HDAC4: variants seen among roughly 807,000 people sequenced by gnomAD.
The protein encoded by HDAC4 is histone deacetylase 4, also known as histone deacetylase A.
HDAC4 carries 16 observed loss-of-function variants against 135.1 expected under a neutral mutation model. The ratio of observed to expected loss-of-function variants is 0.12; its 90% CI spans 0.08 to 0.18. The LOEUF (loss-of-function observed/expected upper bound fraction) is 0.18. Ranked by LOEUF, HDAC4 falls within the 10% of genes least tolerant of loss-of-function variation. HDAC4 has a pLI of 1.00. For synonymous variants in HDAC4, 685 were observed against 653.4 expected, an observed-to-expected ratio of 1.05 and a Z score of -0.74; for missense variants, 1,143 against 1,511.8, an observed-to-expected ratio of 0.76 and a Z score of 4.05.
chr2:239,290,971 A>G (rs1197919740), intron 2 of HDAC4, among the ~76,000 whole-genome samples: 1 of 152,210 alleles, frequency 6.6e-6, no homozygotes, highest in African/African-American at 2.4e-5. Flanking sequence ...TCCAATCATG[A>G]CTAATGGAAT....
rs1696861606 is a variant in HDAC4, at chr2:239,400,186, C to G, written c.-220+792G>C. On this transcript the variant is annotated intron_variant, in intron 1 of 26. Transcript: ENST00000543185. The surrounding 1 kb of genome is among the most constrained non-coding windows in gnomAD (Gnocchi z 4.7). ...GCCCTGCGGGCTGAGCCGAGCGGGTCCCGGGCAGCCCCCCGCCCTCCCGCG... is the reference window on the plus strand; with the variant it reads ...GCCCTGCGGGCTGAGCCGAGCGGGTGCCGGGCAGCCCCCCGCCCTCCCGCG... Among the ~76,000 whole-genome samples, 1 of 151,758 alleles carries G rather than the reference C, an allele frequency of 6.6e-6. No homozygotes were observed. The highest frequency in any genetic ancestry group is 1.5e-5 in the Non-Finnish European group (1 of 67,880).
chr2:239,250,447 C>T (rs183569893), intron 2 of HDAC4, among the ~76,000 whole-genome samples: 68 of 152,322 alleles, frequency 4.5e-4, no homozygotes, highest in African/African-American at 1.5e-3. Flanking sequence ...TCCAGGGCCC[C>T]GCACGGCCCA....
chr2:239,145,335 C>G (rs921785216), intron 7 of HDAC4, among the ~76,000 whole-genome samples: 1 of 152,098 alleles, frequency 6.6e-6, no homozygotes, highest in Admixed American at 6.5e-5. Flanking sequence ...ACATCTGCGC[C>G]GGCTTCACCT....
At chr2:239,101,462 C>T (rs1366230484) in intron 16 of HDAC4, among the ~76,000 whole-genome samples, 1 of 152,202 alleles carries the variant, frequency 6.6e-6, no homozygotes, top group African/African-American at 2.4e-5. Flanking sequence ...ACGGAGGACA[C>T]CTCCTGCAAC....
Position 239,050,986 on chromosome 2 carries a change from G to GC in HDAC4, c.*2110dup, listed in dbSNP as rs2030760686. Reference sequence around the variant, plus strand: ...GTGGAAAAACCCAAGTGGGTAAAGAGCCCCACGTGTGCCCCATGCATTGCT... The same window carrying GC: ...GTGGAAAAACCCAAGTGGGTAAAGAGCCCCCACGTGTGCCCCATGCATTGCT... On this transcript the variant is annotated 3_prime_UTR_variant, in exon 27 of 27. Coordinates refer to ENST00000543185, the MANE Select transcript of HDAC4 (RefSeq NM_001378414.1). 1 of 152,606 alleles carries GC rather than the reference G, an allele frequency of 6.6e-6. No individual in the cohort carries two copies. The allele number at this position is 152,606 out of a possible 1,614,324, so 9.5% of individuals were successfully genotyped here. A position where few individuals can be genotyped will look rare whatever the true frequency, so the allele number is the denominator to read the frequency against.
At chr2:239,200,290 C>T (rs754817443) in intron 3 of HDAC4, among the ~76,000 whole-genome samples, 9 of 152,214 alleles carry the variant, frequency 5.9e-5, no homozygotes, top group Non-Finnish European at 1.0e-4. Context: ...AACTGAGACC[C>T]ATTCCAAACG....
intron 17 of HDAC4, among the ~76,000 whole-genome samples, chr2:239,092,760 C>T (rs1017883707): frequency 1.3e-5 from 2 of 152,200 alleles, no homozygotes; most frequent in African/African-American, 2.4e-5. Flanking sequence ...AGGCGTGCAG[C>T]GCCACCACTG....
intron 4 of HDAC4, among the ~76,000 whole-genome samples, chr2:239,181,291 G>A (rs2153016034): frequency 6.6e-6 from 1 of 152,338 alleles, no homozygotes. Context: ...GGGAGGAGAG[G>A]AGGGGCTGAG....
chr2:239,313,009 G>T lies in HDAC4; in HGVS notation c.22+39669C>A, dbSNP rs1483571428. ...GCTGCCGACGGGAGGCAGACGAGGT[G>T]CCGGGGGCAGCCTGCAGAGCAAGGA... On this transcript the variant is annotated intron_variant, in intron 2 of 26. Coordinates refer to ENST00000543185, the MANE Select transcript of HDAC4 (RefSeq NM_001378414.1). The surrounding 1 kb of genome is among the most constrained non-coding windows in gnomAD (Gnocchi z 5.1). Among the ~76,000 whole-genome samples the T allele has an allele frequency of 6.6e-6, 1 of 152,204 alleles. No homozygotes were observed. The highest frequency in any genetic ancestry group is 1.9e-4 in the East Asian group (1 of 5,182).
At chr2:239,364,695 G>A (rs985799520) in intron 1 of HDAC4, among the ~76,000 whole-genome samples, 9 of 152,232 alleles carry the variant, frequency 5.9e-5, no homozygotes, top group Non-Finnish European at 8.8e-5. Context: ...AAAAACTGGT[G>A]CAGACCAATG....
At chr2:239,065,273 G>A (rs2033328649) in intron 24 of HDAC4, among the ~76,000 whole-genome samples, 1 of 152,226 alleles carries the variant, frequency 6.6e-6, no homozygotes, top group African/African-American at 2.4e-5. Flanking sequence ...GTGACCGCCT[G>A]TCTGGTGAAC....
chr2:239,094,951 G>T, intron 17 of HDAC4, 59 bp downstream of exon 17: 1 of 1,612,828 alleles, frequency 6.2e-7, no homozygotes. Flanking sequence ...TGCGATTTCT[G>T]TGACCACTGG....
At chr2:239,252,725 T>C (rs1575530471) in intron 2 of HDAC4, among the ~76,000 whole-genome samples, 1 of 152,236 alleles carries the variant, frequency 6.6e-6, no homozygotes, top group East Asian at 1.9e-4. Context: ...AATGTTTTCT[T>C]AAACGATTTT....
intron 2 of HDAC4, among the ~76,000 whole-genome samples, chr2:239,323,477 T>C (rs2053378619): frequency 6.6e-6 from 1 of 152,224 alleles, no homozygotes; most frequent in Non-Finnish European, 1.5e-5. Flanking sequence ...TATTTTCCCA[T>C]TTATTTAATA....
intron 14 of HDAC4, among the ~76,000 whole-genome samples, chr2:239,109,048 G>A (rs2038425352): frequency 6.6e-6 from 1 of 152,240 alleles, no homozygotes; most frequent in Non-Finnish European, 1.5e-5. Flanking sequence ...AGATGCGAGG[G>A]AAGGCCAGGT....
At chr2:239,199,667 C>A (rs2045632276) in intron 3 of HDAC4, among the ~76,000 whole-genome samples, 1 of 152,112 alleles carries the variant, frequency 6.6e-6, no homozygotes, top group South Asian at 2.1e-4. Context: ...CCCTCCAGAC[C>A]CTGTGAGTGC....
chr2:239,401,585 A>G (rs898321789), upstream of HDAC4: 16 of 237,946 alleles, frequency 6.7e-5, no homozygotes, highest in Middle Eastern at 1.6e-3. Flanking sequence ...AGGGCACACA[A>G]TGGGGTGCAG....
intron 3 of HDAC4, among the ~76,000 whole-genome samples, chr2:239,221,121 G>A (rs1015973243): frequency 8.5e-5 from 13 of 152,166 alleles, no homozygotes; most frequent in East Asian, 1.9e-4. Flanking sequence ...GTTTACAGGC[G>A]CCTTAAATGA....
chr2:239,248,394 G>A (rs1194624782), intron 2 of HDAC4, among the ~76,000 whole-genome samples: 3 of 152,060 alleles, frequency 2.0e-5, no homozygotes, highest in Non-Finnish European at 4.4e-5. Flanking sequence ...TGTTAGCCAG[G>A]ATGGTGTCAA....
Sources: gnomAD v4.1 joint callset for allele counts (sites outside exome capture counted in the v4.1 genomes callset) on GRCh38, gnomAD v4.1.1 for gene constraint, Gnocchi (gnomAD v3.1) non-coding constraint, MANE v1.5 for transcripts, NCBI Gene and HGNC (gene_info 2026-07-23, HGNC 2026-07-21) for gene names.